GCM1: variants seen among roughly 807,000 people sequenced by gnomAD.
GCM1 encodes chorion-specific transcription factor GCMa.
In GCM1, 2 loss-of-function variants were observed where a neutral mutation model predicts 25.7. The observed-to-expected ratio is 0.08, with a 90% CI of 0.03 to 0.24. The LOEUF (loss-of-function observed/expected upper bound fraction) is 0.24. Among genes scored for constraint, GCM1 ranks in the 10% least tolerant of loss-of-function variants. GCM1 has a pLI of 1.00. For missense variants in GCM1, 395 were observed against 538.7 expected, an observed-to-expected ratio of 0.73 and a Z score of 2.64; for synonymous variants, 183 against 195.7, an observed-to-expected ratio of 0.94 and a Z score of 0.54.
rs917429887 is a variant in GCM1, at chr6:53,148,787, G to A, written c.-170C>T. 6.6e-6 allele frequency: 1 copy of A among 152,164 alleles called. No individual in the cohort carries two copies. Among genetic ancestry groups the A allele is most frequent in the African/African-American group, 2.4e-5 (1 of 41,418 alleles). The allele number at this position is 152,164 out of a possible 1,614,324, so 9.4% of individuals were successfully genotyped here. On this transcript the variant is annotated 5_prime_UTR_variant, in exon 1 of 6. Transcript: ENST00000259803. ...TTCTTACGGAGAAGCAGACAGCACT[G>A]TGTCGTGAAAATCTTACTGCTGGTT... is the stretch of plus-strand genomic sequence containing the variant.
At chr6:53,134,454 T>A in intron 2 of GCM1, 130 bp from the exon 3 acceptor site, 1 of 785,048 alleles carries the variant, frequency 1.3e-6, no homozygotes, top group Non-Finnish European at 2.1e-6. Flanking sequence ...GGCAAAAGCC[T>A]CCCTACATTT....
At chr6:53,146,204 A>ATG (rs1562092538) in intron 1 of GCM1, among the ~76,000 whole-genome samples, 2 of 45,408 alleles carry the variant, frequency 4.4e-5, no homozygotes, top group African/African-American at 2.1e-4. Flanking sequence ...TTATATATAT[A>ATG]TATATATATA....
chr6:53,145,954 G>A (rs1184008951), intron 1 of GCM1, among the ~76,000 whole-genome samples, 186 bp from the exon 2 acceptor site: 2 of 152,046 alleles, frequency 1.3e-5, no homozygotes. Flanking sequence ...AGAAGCGTGT[G>A]ATCACTGCTT....
chr6:53,132,703 G>C (rs1763743116), intron 3 of GCM1, among the ~76,000 whole-genome samples: 2 of 152,110 alleles, frequency 1.3e-5, no homozygotes, highest in Non-Finnish European at 2.9e-5. Context: ...CAGAGTGAAA[G>C]TCTGTCTCAA....
At chr6:53,137,451 G>A (rs1763816630) in intron 2 of GCM1, among the ~76,000 whole-genome samples, 1 of 152,050 alleles carries the variant, frequency 6.6e-6, no homozygotes, top group African/African-American at 2.4e-5. Flanking sequence ...GCATAATAGA[G>A]TATTTTATCT....
At chr6:53,129,538 T>C (rs2127507885) in intron 5 of GCM1, among the ~76,000 whole-genome samples, 1 of 152,340 alleles carries the variant, frequency 6.6e-6, no homozygotes, top group East Asian at 1.9e-4. Context: ...CCTCCCAAAG[T>C]GCTGGGATTA....
At chr6:53,129,828 A>G (rs555279461) in intron 5 of GCM1, among the ~76,000 whole-genome samples, 7 of 152,312 alleles carry the variant, frequency 4.6e-5, no homozygotes, top group Non-Finnish European at 7.4e-5. Context: ...TCAGACCTCT[A>G]GAACACGAGT....
intron 2 of GCM1, among the ~76,000 whole-genome samples, chr6:53,135,080 C>G (rs1403309517): frequency 6.6e-6 from 1 of 152,180 alleles, no homozygotes; most frequent in East Asian, 1.9e-4. Flanking sequence ...TCTGTTATTG[C>G]CCAGGATTGG....
intron 1 of GCM1, among the ~76,000 whole-genome samples, chr6:53,147,997 C>T (rs1393743169): frequency 1.3e-5 from 2 of 152,064 alleles, no homozygotes. Context: ...TTCCACATAC[C>T]CATACTGAGC....
At chr6:53,147,692 G>A (rs1447903602) in intron 1 of GCM1, among the ~76,000 whole-genome samples, 2 of 151,966 alleles carry the variant, frequency 1.3e-5, no homozygotes, top group Non-Finnish European at 1.5e-5. Flanking sequence ...GTCTCCCAAA[G>A]TGCTGGGATT....
chr6:53,129,114 C>G (rs1046249575), intron 5 of GCM1, among the ~76,000 whole-genome samples, 168 bp from the exon 6 acceptor site: 3 of 152,082 alleles, frequency 2.0e-5, no homozygotes, highest in Admixed American at 1.3e-4. Flanking sequence ...ACCACAACCA[C>G]GAAACACTTG....
At chr6:53,147,722 C>T (rs1333558144) in intron 1 of GCM1, among the ~76,000 whole-genome samples, 1 of 152,058 alleles carries the variant, frequency 6.6e-6, no homozygotes, top group Admixed American at 6.6e-5. Flanking sequence ...AGCCACTGTG[C>T]CCGGCCTGTT....
rs149786327 is a variant in GCM1 at position 53,128,476 on chromosome 6, T to C, written c.1041A>G (p.Ala347=). Residue 347 remains alanine, a synonymous_variant, in exon 6 of 6, where the codon GCA becomes GCG. Coordinates refer to ENST00000259803, the MANE Select transcript of GCM1 (RefSeq NM_003643.4). ...ATAATGGGGGACAGCCAGTTTTGGC[T>C]GCAGGTGGCTCCAATGGAAGCTGCT... ...FYQQLPLEPP[A]AKTGCPPLWP... is the part of the protein sequence containing the mutation. The C allele has an allele frequency of 1.1e-4, 173 of 1,614,176 alleles. No homozygotes were observed. In the African/African-American group the frequency reaches 1.9e-3, roughly 18 times the overall value.
chr6:53,128,958 A>G lies in GCM1; in HGVS notation c.571-12T>C. On this transcript the variant is annotated splice_polypyrimidine_tract_variant and intron_variant, in intron 5 of 5. Transcript: ENST00000259803. The stretch of plus-strand genomic sequence containing the variant: ...TCACCTGGAAGAGACTGGAAAGGAA[A>G]GTGAAATGCTCGTGTTAATAAGTTA... The G allele has an allele frequency of 6.2e-7, 1 of 1,606,308 alleles. No individual in the cohort carries two copies. The highest frequency in any genetic ancestry group is 8.5e-7 in the Non-Finnish European group (1 of 1,175,738).
intron 1 of GCM1, among the ~76,000 whole-genome samples, chr6:53,147,425 G>GTTTTTTT (rs70980807): frequency 3.2e-5 from 3 of 93,558 alleles, no homozygotes; most frequent in Non-Finnish European, 4.2e-5. Context: ...AGTTTTTATT[G>GTTTTTTT]TTTTTTTTTT....
At chr6:53,137,514 A>C (rs1341926717) in intron 2 of GCM1, among the ~76,000 whole-genome samples, 1 of 152,120 alleles carries the variant, frequency 6.6e-6, no homozygotes, top group Non-Finnish European at 1.5e-5. Context: ...TTGGCCAGGA[A>C]TAGCGGCTCA....
chr6:53,129,057 A>C, intron 5 of GCM1, 111 bp from the exon 6 acceptor site: 4 of 820,288 alleles, frequency 4.9e-6, no homozygotes, highest in Non-Finnish European at 7.8e-6. Context: ...GATTTTCCTC[A>C]TTCCTTACAC....
At chr6:53,129,239 CA>C (rs903709928) in intron 5 of GCM1, among the ~76,000 whole-genome samples, 1 of 151,512 alleles carries the variant, frequency 6.6e-6, no homozygotes, top group African/African-American at 2.4e-5. Context: ...CACTCAAACA[CA>C]AATCTGATAT....
chr6:53,146,120 A>G (rs111536449), intron 1 of GCM1, among the ~76,000 whole-genome samples: 1 of 151,740 alleles, frequency 6.6e-6, no homozygotes, highest in African/African-American at 2.4e-5. Flanking sequence ...GCCTTTATAA[A>G]TTAGCTAATG....
Sources: gnomAD v4.1 joint callset for allele counts (sites outside exome capture counted in the v4.1 genomes callset) on GRCh38, gnomAD v4.1.1 for gene constraint, MANE v1.5 for transcripts, NCBI Gene and HGNC (gene_info 2026-07-23, HGNC 2026-07-21) for gene names.